CNTN1: variants seen among roughly 807,000 people sequenced by gnomAD.
CNTN1 encodes the protein contactin-1.
In CNTN1, 38 loss-of-function variants were observed where a neutral mutation model predicts 126.4. That is an observed-to-expected ratio of 0.30 (90% CI 0.23 to 0.39). CNTN1 has a LOEUF of 0.39. Ranked by LOEUF, CNTN1 falls within the 10% of genes least tolerant of loss-of-function variation. The pLI is 1.00. For missense variants in CNTN1, 1,009 were observed against 1,248.4 expected (o/e 0.81, Z 2.89); for synonymous variants, 413 against 422.6 (o/e 0.98, Z 0.28).
chr12:40,701,880 G>A (rs951697748), intron 1 of CNTN1, among the ~76,000 whole-genome samples: 101 of 152,012 alleles, frequency 6.6e-4, no homozygotes, highest in African/African-American at 2.3e-3. Context: ...AAAACATTTG[G>A]CCCAATGAGC....
chr12:40,773,557 A>T (rs541253996), intron 1 of CNTN1, among the ~76,000 whole-genome samples: 14 of 150,566 alleles, frequency 9.3e-5, no homozygotes, highest in African/African-American at 2.2e-4. Flanking sequence ...AAACAAAACA[A>T]AACAGTGTTA....
intron 23 of CNTN1, among the ~76,000 whole-genome samples, chr12:41,038,263 ATAGT>A (rs1237946992): frequency 6.6e-6 from 1 of 152,164 alleles, no homozygotes; most frequent in Non-Finnish European, 1.5e-5. Context: ...TGAGTAAAGG[ATAGT>A]TAGTTTGGCA....
intron 15 of CNTN1, chr12:40,971,507 C>CA: frequency 6.3e-7 from 1 of 1,596,470 alleles, no homozygotes; most frequent in East Asian, 2.2e-5. Context: ...TGCCTCCAAC[C>CA]TGGTGATCGT....
chr12:40,938,860 G>A (rs778366637), intron 11 of CNTN1, among the ~76,000 whole-genome samples: 23 of 152,100 alleles, frequency 1.5e-4, no homozygotes, highest in Non-Finnish European at 2.8e-4. Flanking sequence ...CTGCAGCCTT[G>A]ACCTTCTAGG....
intron 1 of CNTN1, among the ~76,000 whole-genome samples, chr12:40,802,730 G>C (rs1940704176): frequency 6.6e-6 from 1 of 151,934 alleles, no homozygotes; most frequent in African/African-American, 2.4e-5. Flanking sequence ...AAGACTCTAT[G>C]GTGAAGATTT....
chr12:40,727,076 TAAA>T (rs1442199629), intron 1 of CNTN1, among the ~76,000 whole-genome samples: 2 of 149,518 alleles, frequency 1.3e-5, no homozygotes, highest in Non-Finnish European at 3.0e-5. Flanking sequence ...TTATAATAAT[TAAA>T]AATTTCTAAT....
In CNTN1 at chr12:41,014,239, G is replaced by T; in HGVS notation, c.2125G>T (p.Ala709Ser). 1 of 1,613,852 alleles carries T rather than the reference G, an allele frequency of 6.2e-7. No homozygotes were observed. The highest frequency in any genetic ancestry group is 8.5e-7 in the Non-Finnish European group (1 of 1,179,792). The part of the protein sequence containing the change: ...IKTDGAAPNV[A>S]PSDVGGGGGR... ...TTTGTTTGTTTCAGCACCAAATGTG[G>T]CTCCTTCAGATGTAGGAGGTGGAGG... The change falls in exon 18 of 24, where the codon GCT (alanine) becomes TCT (serine). Residue 709 changes from alanine (A) to serine (S), a missense_variant. Physicochemically the swap from Ala to Ser is moderately conservative, Grantham distance 99 (BLOSUM62 1). Coordinates refer to ENST00000551295, the MANE Select transcript of CNTN1 (RefSeq NM_001843.4).
At chr12:40,918,315 G>A (rs1945316169) in intron 3 of CNTN1, among the ~76,000 whole-genome samples, 1 of 152,120 alleles carries the variant, frequency 6.6e-6, no homozygotes, top group South Asian at 2.1e-4. Context: ...GATAGGACAA[G>A]AAAAGTAGAA....
At chr12:40,759,786 T>A (rs1309946199) in intron 1 of CNTN1, among the ~76,000 whole-genome samples, 4 of 151,590 alleles carry the variant, frequency 2.6e-5, no homozygotes, top group Non-Finnish European at 4.4e-5. Flanking sequence ...TTTTTTTTTT[T>A]TTTTTTTCAA....
chr12:40,939,412 T>G lies in CNTN1; in HGVS notation c.1306T>G (p.Cys436Gly). The G allele has an allele frequency of 6.2e-7, 1 of 1,613,962 alleles. No individual in the cohort carries two copies. The highest frequency in any genetic ancestry group is 8.5e-7 in the Non-Finnish European group (1 of 1,179,954). ...AAKGGRVIIECKPKAAPKPKF... is the reference protein window; with the variant it reads ...AAKGGRVIIEGKPKAAPKPKF... ...TAAAGGTGGAAGGGTGATAATTGAATGCAAACCTAAAGCTGCACCGAAACC... is the reference window on the plus strand; with the variant it reads ...TAAAGGTGGAAGGGTGATAATTGAAGGCAAACCTAAAGCTGCACCGAAACC... The change falls in exon 12 of 24, where the codon TGC (cysteine) becomes GGC (glycine). Residue 436 changes from cysteine to glycine, a missense_variant. Transcript: ENST00000551295.
intron 1 of CNTN1, among the ~76,000 whole-genome samples, chr12:40,857,685 T>G (rs1942961760): frequency 1.3e-5 from 2 of 152,134 alleles, no homozygotes; most frequent in Admixed American, 1.3e-4. Context: ...TTTCTAAATG[T>G]GTTTTTGCAT....
At chr12:40,878,005 TTTTTTTTTTG>T (rs1213885206) in intron 1 of CNTN1, among the ~76,000 whole-genome samples, 1 of 115,212 alleles carries the variant, frequency 8.7e-6, no homozygotes, top group East Asian at 2.2e-4. Context: ...TTTTTTTTTT[TTTTTTTTTTG>T]AGATAGAGTT....
chr12:40,931,628 T>C (rs1405887659), intron 7 of CNTN1, among the ~76,000 whole-genome samples: 1 of 151,984 alleles, frequency 6.6e-6, no homozygotes, highest in Non-Finnish European at 1.5e-5. Context: ...TATTTAGCAA[T>C]ACAGTTTCAT....
intron 1 of CNTN1, among the ~76,000 whole-genome samples, chr12:40,812,087 T>A (rs1339050305): frequency 6.6e-6 from 1 of 152,042 alleles, no homozygotes; most frequent in African/African-American, 2.4e-5. Flanking sequence ...CGGTATGTTG[T>A]GTTTTCATTT....
At chr12:40,706,945 A>G (rs376327766) in intron 1 of CNTN1, among the ~76,000 whole-genome samples, 4 of 152,304 alleles carry the variant, frequency 2.6e-5, no homozygotes, top group East Asian at 3.9e-4. Context: ...TGTTGCTTCT[A>G]AGAGCACATT....
intron 1 of CNTN1, among the ~76,000 whole-genome samples, chr12:40,894,766 T>G (rs1418396326): frequency 6.6e-6 from 1 of 152,200 alleles, no homozygotes; most frequent in Admixed American, 6.5e-5. Flanking sequence ...TGAAGACTTA[T>G]GAAGAAATCA....
intron 1 of CNTN1, among the ~76,000 whole-genome samples, chr12:40,696,225 A>G (rs957741105): frequency 6.6e-6 from 1 of 152,248 alleles, no homozygotes; most frequent in African/African-American, 2.4e-5. Context: ...ATCAATAGGC[A>G]TCATTCCTAA....
chr12:40,749,552 A>AGTGAAGCGGTGTGAGGGGGAGAGCCTGG (rs1319509458), intron 1 of CNTN1, among the ~76,000 whole-genome samples: 5 of 144,020 alleles, frequency 3.5e-5, no homozygotes, highest in South Asian at 2.2e-4. Flanking sequence ...GGGTGAGGTC[A>AGTGAAGCGGTGTGAGGGGGAGAGCCTGG]TAAAGAAAAT....
At chr12:40,861,266 G>A (rs144255235) in intron 1 of CNTN1, among the ~76,000 whole-genome samples, 115 of 151,760 alleles carry the variant, frequency 7.6e-4, no homozygotes, top group African/African-American at 2.7e-3. Context: ...ATTTGTCTCA[G>A]CCCATTTATA....
Sources: allele counts gnomAD v4.1 joint callset (sites outside exome capture counted in the v4.1 genomes callset), GRCh38; gene constraint gnomAD v4.1.1; transcripts MANE v1.5; gene names NCBI Gene and HGNC (gene_info 2026-07-23, HGNC 2026-07-21).